SLC24A2: variants seen among roughly 807,000 people sequenced by gnomAD.
SLC24A2 encodes the protein sodium/potassium/calcium exchanger 2.
In SLC24A2, 36 loss-of-function variants were observed where a neutral mutation model predicts 62.0. That is an observed-to-expected ratio of 0.58 (90% confidence interval 0.44 to 0.77). The LOEUF is 0.77. Ranked by LOEUF, SLC24A2 falls within the 30% of genes least tolerant of loss-of-function variation. The pLI is 0.00. For synonymous variants in SLC24A2, 358 were observed against 294.0 expected (o/e 1.22, Z -2.23); for missense variants, 846 against 817.9 (o/e 1.03, Z -0.42).
chr9:19,921,111 C>G, the SLC24A2 span, among the ~76,000 whole-genome samples: 1 of 151,530 alleles, frequency 6.6e-6, no homozygotes, highest in Non-Finnish European at 1.5e-5. Flanking sequence ...AATCATCAAC[C>G]TGCCACCAAC....
At chr9:19,670,056 T>C (rs569905693) in intron 2 of SLC24A2, among the ~76,000 whole-genome samples, 1 of 152,314 alleles carries the variant, frequency 6.6e-6, no homozygotes, top group Admixed American at 6.5e-5. Context: ...CTGAAATATA[T>C]ACCCCAGTAA....
chr9:20,199,877 C>A, the SLC24A2 span, among the ~76,000 whole-genome samples: 1 of 148,660 alleles, frequency 6.7e-6, no homozygotes, highest in Non-Finnish European at 1.5e-5. Flanking sequence ...CACCATTATG[C>A]CTGGCTAATT....
At chr9:20,264,255 T>C in the SLC24A2 span, among the ~76,000 whole-genome samples, 1 of 152,194 alleles carries the variant, frequency 6.6e-6, no homozygotes. Flanking sequence ...AGCATAAGTA[T>C]CTACTTCACA....
chr9:20,043,798 T>C, the SLC24A2 span, among the ~76,000 whole-genome samples: 1 of 152,066 alleles, frequency 6.6e-6, no homozygotes, highest in Non-Finnish European at 1.5e-5. Context: ...GTTGCTGTGT[T>C]GAAATGATGA....
chr9:19,522,832 A>G (rs1833264590), intron 9 of SLC24A2, among the ~76,000 whole-genome samples: 1 of 152,328 alleles, frequency 6.6e-6, no homozygotes. Flanking sequence ...AAAAAGTTCA[A>G]TAAGACTTTT....
intron 2 of SLC24A2, among the ~76,000 whole-genome samples, chr9:19,687,717 G>C (rs375364082): frequency 6.6e-6 from 1 of 152,010 alleles, no homozygotes; most frequent in Non-Finnish European, 1.5e-5. Flanking sequence ...ATTCCTCCTT[G>C]AGTCCAAATC....
chr9:20,034,158 T>G, the SLC24A2 span, among the ~76,000 whole-genome samples: 4 of 152,086 alleles, frequency 2.6e-5, no homozygotes, highest in African/African-American at 9.7e-5. Context: ...CTGGCTATCC[T>G]TCCTGCTTGA....
At chr9:19,628,953 T>C (rs570643658) in intron 2 of SLC24A2, among the ~76,000 whole-genome samples, 2 of 152,306 alleles carry the variant, frequency 1.3e-5, no homozygotes, top group East Asian at 3.9e-4. Context: ...TGTGATTTTT[T>C]AAAAAGGTCT....
chr9:20,163,643 T>C, the SLC24A2 span, among the ~76,000 whole-genome samples: 1,227 of 152,220 alleles, frequency 8.1e-3, 5 homozygotes, highest in Non-Finnish European at 0.013. Flanking sequence ...TTAAAGTTCA[T>C]ATGGAACCAC....
At chr9:20,102,242 T>C in the SLC24A2 span, among the ~76,000 whole-genome samples, 1 of 152,238 alleles carries the variant, frequency 6.6e-6, no homozygotes, top group African/African-American at 2.4e-5. Context: ...CTAGATTTTC[T>C]ACTAATCTAG....
chr9:19,539,736 C>A (rs1211225086), intron 8 of SLC24A2, among the ~76,000 whole-genome samples: 2 of 24,118 alleles, frequency 8.3e-5, no homozygotes, highest in Non-Finnish European at 1.7e-4. Context: ...TGGTGCAGAG[C>A]TGAGTTCAAT....
the SLC24A2 span, among the ~76,000 whole-genome samples, chr9:20,255,913 T>G: frequency 2.6e-5 from 4 of 152,200 alleles, no homozygotes; most frequent in African/African-American, 9.6e-5. Context: ...TATGGCAGAA[T>G]ACTACAGACC....
chr9:19,671,007 G>T (rs530142827), intron 2 of SLC24A2, among the ~76,000 whole-genome samples: 2 of 94,496 alleles, frequency 2.1e-5, no homozygotes, highest in East Asian at 1.6e-3. Context: ...ATAATAAAGA[G>T]AAACTTAGAT....
the SLC24A2 span, among the ~76,000 whole-genome samples, chr9:20,073,876 G>GTA: frequency 0.038 from 4,446 of 116,754 alleles, 213 homozygotes; most frequent in African/African-American, 0.14. Context: ...ATATGTGCGT[G>GTA]TATATATATA....
chr9:19,967,369 C>T, the SLC24A2 span: 7 of 152,110 alleles, frequency 4.6e-5, no homozygotes, highest in Non-Finnish European at 8.8e-5. Flanking sequence ...GTTTTTAATT[C>T]TTAGCAAACT....
the SLC24A2 span, among the ~76,000 whole-genome samples, chr9:20,014,379 T>C: frequency 6.6e-6 from 1 of 151,926 alleles, no homozygotes. Flanking sequence ...CTTCTGGGTA[T>C]ATACCCAGAG....
At chr9:19,887,367 C>T in the SLC24A2 span, among the ~76,000 whole-genome samples, 1 of 152,110 alleles carries the variant, frequency 6.6e-6, no homozygotes, top group African/African-American at 2.4e-5. Context: ...TCTGTTCACT[C>T]TGTTGATAGT....
chr9:20,184,880 A>G, the SLC24A2 span, among the ~76,000 whole-genome samples: 4 of 151,718 alleles, frequency 2.6e-5, no homozygotes, highest in Non-Finnish European at 5.9e-5. Flanking sequence ...GAATGGATTA[A>G]AAAAAATGTG....
At chr9:19,664,707 G>A (rs897906966) in intron 2 of SLC24A2, among the ~76,000 whole-genome samples, 7 of 152,178 alleles carry the variant, frequency 4.6e-5, no homozygotes, top group African/African-American at 1.7e-4. Context: ...AGGAGAGTGA[G>A]AAGAGAGATT....
Sources: gnomAD v4.1 joint callset for allele counts (sites outside exome capture counted in the v4.1 genomes callset) on GRCh38, gnomAD v4.1.1 for gene constraint, MANE v1.5 for transcripts, NCBI Gene and HGNC (gene_info 2026-07-23, HGNC 2026-07-21) for gene names.